Variants in GPM6B observed in about 807,000 individuals in gnomAD.
The protein encoded by GPM6B is neuronal membrane glycoprotein M6-b.
A neutral mutation model predicts 27.2 loss-of-function variants in GPM6B; 4 were observed. That is an observed-to-expected ratio of 0.15 (90% CI 0.07 to 0.34). GPM6B has a LOEUF of 0.34. Ranked by LOEUF, GPM6B falls within the 10% of genes least tolerant of loss-of-function variation. GPM6B has a pLI of 1.00. For missense variants in GPM6B, 183 were observed against 261.9 expected, an observed-to-expected ratio of 0.70 and a Z score of 2.08; for synonymous variants, 124 against 103.1, an observed-to-expected ratio of 1.20 and a Z score of -1.23.
upstream of GPM6B, chrX:13,817,273 T>A (rs2049255398): frequency 1.3e-6 from 1 of 799,368 alleles, no homozygotes; most frequent in African/African-American, 2.2e-5. Context: ...TCTTCCTCCT[T>A]GCTCTCTTTC....
chrX:13,779,848 C>T lies in GPM6B; in HGVS notation c.667G>A (p.Glu223Lys). Residue 223 changes from glutamate (E) to lysine (K), a missense_variant, in exon 5 of 8, where the codon GAG (glutamate) becomes AAG (lysine). Transcript: ENST00000316715. ...TGTCGGATATCCACACAGATCTGCT[C>T]CACACCCGTGGTCCCGTTGGTCTGC... Reference protein sequence around the residue: ...SPQTNGTTGVEQICVDIRQYG... With the variant: ...SPQTNGTTGVKQICVDIRQYG... 8.4e-7 allele frequency: 1 copy of T among 1,191,052 alleles called. No individual in the cohort carries two copies. Among genetic ancestry groups the T allele is most frequent in the Non-Finnish European group, 1.1e-6 (1 of 880,092 alleles).
intron 1 of GPM6B, among the ~76,000 whole-genome samples, chrX:13,837,799 C>T (rs891637388): frequency 3.9e-5 from 3 of 77,268 alleles, no homozygotes; most frequent in Non-Finnish European, 6.0e-5. Flanking sequence ...TCCTTCAAAG[C>T]GGCTTGCCTG....
At chrX:13,782,749 C>G (rs1191986068) in intron 4 of GPM6B, among the ~76,000 whole-genome samples, 14 of 81,441 alleles carry the variant, frequency 1.7e-4, no homozygotes, top group African/African-American at 6.8e-4. Context: ...CAGAGTGATG[C>G]TCCGTCTCAA....
chrX:13,886,820 C>A (rs1323189057), intron 1 of GPM6B, among the ~76,000 whole-genome samples: 1 of 107,246 alleles, frequency 9.3e-6, no homozygotes, highest in Non-Finnish European at 1.9e-5. Flanking sequence ...ACACAGCCTT[C>A]ATCTTTTTGT....
chrX:13,827,270 CCT>C (rs1491560832), intron 1 of GPM6B, among the ~76,000 whole-genome samples: 23 of 89,093 alleles, frequency 2.6e-4, no homozygotes, highest in African/African-American at 9.6e-4. Context: ...CTACCGACTT[CCT>C]TTTTTTTTTT....
chrX:13,781,057 C>T (rs1353429577), intron 4 of GPM6B: 1 of 246,250 alleles, frequency 4.1e-6, no homozygotes, highest in East Asian at 1.6e-4. Context: ...CCTCCCACTT[C>T]CTCCCACTGC....
At chrX:13,837,620 G>C (rs1306018909) in intron 1 of GPM6B, among the ~76,000 whole-genome samples, 1 of 105,110 alleles carries the variant, frequency 9.5e-6, no homozygotes, top group East Asian at 3.2e-4. Flanking sequence ...GCCAAAAAAA[G>C]AGTCTGATGG....
At chrX:13,817,665 A>G (rs994415719), upstream of GPM6B, among the ~76,000 whole-genome samples, 1 of 112,529 alleles carries the variant, frequency 8.9e-6, no homozygotes, top group Non-Finnish European at 1.9e-5. Flanking sequence ...AGATAAGTAC[A>G]TTGCTTTTTA....
chrX:13,835,071 G>C (rs990980568), intron 1 of GPM6B, among the ~76,000 whole-genome samples: 7 of 111,898 alleles, frequency 6.3e-5, no homozygotes, highest in African/African-American at 2.3e-4. Context: ...GTGTGTGGGG[G>C]TGGTGCCACT....
intron 6 of GPM6B, among the ~76,000 whole-genome samples, chrX:13,777,015 CAAAGTAGAA>C (rs61548519): frequency 0.27 from 29,939 of 110,186 alleles, 3,529 homozygotes; most frequent in Admixed American, 0.45. Flanking sequence ...GAAAATCTTT[CAAAGTAGAA>C]AGAGTAGAAG....
At chrX:13,776,384 TGTC>T (rs1395603933) in intron 6 of GPM6B, 81 bp from the exon 7 acceptor site, 1 of 757,437 alleles carries the variant, frequency 1.3e-6, no homozygotes, top group Middle Eastern at 3.6e-4. Context: ...CTGCTTCATC[TGTC>T]TCCTTTGCAG....
chrX:13,799,757 G>T (rs1048788605), intron 2 of GPM6B, among the ~76,000 whole-genome samples: 7 of 111,352 alleles, frequency 6.3e-5, no homozygotes, highest in Non-Finnish European at 1.1e-4. Context: ...ACCTCAGGAA[G>T]GCCGTCAAAC....
chrX:13,873,322 G>A (rs960519246), intron 1 of GPM6B, among the ~76,000 whole-genome samples: 2 of 110,756 alleles, frequency 1.8e-5, no homozygotes, highest in African/African-American at 6.6e-5. Context: ...TTCAGAGAGC[G>A]ACAGAGAGTG....
chrX:13,863,989 T>C (rs999322499), intron 1 of GPM6B, among the ~76,000 whole-genome samples: 2 of 112,258 alleles, frequency 1.8e-5, no homozygotes, highest in Non-Finnish European at 1.9e-5. Context: ...ATATTCAGAA[T>C]TGAAAACAAA....
chrX:13,884,260 A>T (rs188187970), intron 1 of GPM6B, among the ~76,000 whole-genome samples: 15 of 113,013 alleles, frequency 1.3e-4, no homozygotes, highest in Admixed American at 3.7e-4. Context: ...AACCTTAAAA[A>T]AGTTACATAT....
intron 1 of GPM6B, among the ~76,000 whole-genome samples, chrX:13,899,177 G>A (rs1031564985): frequency 5.4e-5 from 6 of 110,198 alleles, no homozygotes; most frequent in African/African-American, 2.0e-4. Flanking sequence ...TTGGGAGGCT[G>A]AGGTGGGCAG....
intron 1 of GPM6B, among the ~76,000 whole-genome samples, chrX:13,913,090 T>A (rs1168466983): frequency 8.9e-6 from 1 of 111,966 alleles, no homozygotes; most frequent in Non-Finnish European, 1.9e-5. Flanking sequence ...TATTAGATAT[T>A]ACCTTGAATA....
Position 13,817,085 on chromosome X carries a change from T to C in GPM6B, c.-181A>G. On this transcript the variant is annotated 5_prime_UTR_variant, in exon 1 of 8. Transcript: ENST00000316715. ...GATGCAAAAGTCTTGTCAGCGTCAA[T>C]TTCGCTCTGCCTACTGGTCCATAAA... 9.8e-7 allele frequency: 1 copy of C among 1,017,833 alleles called. No homozygotes were observed. The highest frequency in any genetic ancestry group is 1.2e-6 in the Non-Finnish European group (1 of 804,085). The allele number at this position is 1,017,833 out of a possible 1,213,427, so 83.9% of individuals were successfully genotyped here. A position where few individuals can be genotyped will look rare whatever the true frequency, so the allele number is the denominator to read the frequency against.
At chrX:13,783,152 G>A (rs748151471) in intron 4 of GPM6B, among the ~76,000 whole-genome samples, 4 of 112,427 alleles carry the variant, frequency 3.6e-5, no homozygotes, top group Non-Finnish European at 7.5e-5. Flanking sequence ...GAAAACATTT[G>A]ATTTATTTCT....
Sources: gnomAD v4.1 joint callset for allele counts (sites outside exome capture counted in the v4.1 genomes callset) on GRCh38, gnomAD v4.1.1 for gene constraint, MANE v1.5 for transcripts, NCBI Gene and HGNC (gene_info 2026-07-23, HGNC 2026-07-21) for gene names.